ESPL1: variants seen among roughly 807,000 people sequenced by gnomAD.
The protein encoded by ESPL1 is extra spindle pole bodies like 1, separase.
Under a neutral mutation model 217.2 loss-of-function variants are expected in ESPL1, and 50 were observed. The observed-to-expected ratio is 0.23, with a 90% CI of 0.18 to 0.29. ESPL1 has a LOEUF of 0.29. Among genes scored for constraint, ESPL1 ranks in the 10% least tolerant of loss-of-function variants. The pLI, the probability that ESPL1 is intolerant of heterozygous loss-of-function variation, is 1.00. For synonymous variants in ESPL1, 994 were observed against 1,081.3 expected (o/e 0.92, Z 1.58); for missense variants, 1,834 against 2,603.0 (o/e 0.70, Z 6.43).
Position 53,290,137 on chromosome 12 carries a change from C to A in ESPL1, c.5166C>A (p.Gly1722=). 1 of 1,613,868 alleles carries A rather than the reference C, an allele frequency of 6.2e-7. No homozygotes were observed. Among genetic ancestry groups the A allele is most frequent in the Non-Finnish European group, 8.5e-7 (1 of 1,180,014 alleles). Reference sequence around the variant, plus strand: ...CCACCCTCCAGCCCGGAACCGTGGGCAACACCCTCCTGCTGACCCGGCTGG... The same window carrying A: ...CCACCCTCCAGCCCGGAACCGTGGGAAACACCCTCCTGCTGACCCGGCTGG... ...ALATLQPGTV[G]NTLLLTRLEK... is the part of the protein sequence containing the mutation. The change falls in exon 23 of 31, where the codon GGC becomes GGA. Residue 1722 remains glycine (G), a synonymous_variant. Transcript: ENST00000257934.
Position 53,288,138 on chromosome 12 carries a change from A to G in ESPL1, c.4343A>G (p.Asn1448Ser). The change falls in exon 19 of 31, where the codon AAC becomes AGC. Residue 1448 changes from asparagine (N) to serine (S), a missense_variant. Asn to Ser is a conservative substitution (Grantham distance 46). This residue lies in a region of ESPL1 where 681 missense variants were observed against 808.0 expected (regional missense o/e 0.84). Coordinates refer to ENST00000257934, the MANE Select transcript of ESPL1 (RefSeq NM_012291.5). Reference sequence around the variant, plus strand: ...GTTGCCCCAGGTAGTGCCCCTGGGAACCCTGGCCTGAATGGCAGGAGCCGG... The same window carrying G: ...GTTGCCCCAGGTAGTGCCCCTGGGAGCCCTGGCCTGAATGGCAGGAGCCGG... ...AVVAPGSAPG[N>S]PGLNGRSRRA... 1 of 1,613,616 alleles carries G rather than the reference A, an allele frequency of 6.2e-7. No homozygotes were observed. Among genetic ancestry groups the G allele is most frequent in the East Asian group, 2.2e-5 (1 of 44,854 alleles).
Position 53,292,274 on chromosome 12 carries a change from T to G in ESPL1, c.5797-4T>G, listed in dbSNP as rs776053889. The stretch of plus-strand genomic sequence containing the variant: ...CATCCTAATCGCCAGTGTCTCCTCC[T>G]CAGTATGGGGCCTCGCCAGTGCTGA... On this transcript the variant is annotated splice_region_variant and splice_polypyrimidine_tract_variant and intron_variant, in intron 27 of 30. Transcript: ENST00000257934. The surrounding 1 kb of genome is among the most constrained non-coding windows in gnomAD (Gnocchi z 4.5). The G allele has an allele frequency of 2.5e-6, 4 of 1,607,148 alleles. No homozygotes were observed. Among genetic ancestry groups the G allele is most frequent in the Non-Finnish European group, 3.4e-6 (4 of 1,173,830 alleles).
At chr12:53,291,588 CA>C (rs575172551) in intron 25 of ESPL1, 101 bp from the exon 26 acceptor site, 11,099 of 1,079,874 alleles carry the variant, frequency 0.01, no homozygotes, top group Non-Finnish European at 0.011. Flanking sequence ...AAGACTCTGT[CA>C]AAAAAAAAAG....
At chr12:53,284,196 G>A in intron 17 of ESPL1, 29 bp downstream of exon 17, 1 of 1,383,042 alleles carries the variant, frequency 7.2e-7, no homozygotes. Flanking sequence ...ATGACCATAG[G>A]CGGTGCTGAA....
chr12:53,286,119 T>A lies in ESPL1; in HGVS notation c.3383T>A (p.Val1128Asp). The A allele has an allele frequency of 6.2e-7, 1 of 1,613,844 alleles. No individual in the cohort carries two copies. Among genetic ancestry groups the A allele is most frequent in the African/African-American group, 1.3e-5 (1 of 75,046 alleles). ...GCACCTTCTACAAACTCCTCCCCAG[T>A]CTTGAAAACCAAGCCCCAGCCCATA... is the stretch of plus-strand genomic sequence containing the variant. ...PIAPSTNSSP[V>D]LKTKPQPIPN... Residue 1128 changes from valine to aspartate, a missense_variant, in exon 18 of 31, where the codon GTC becomes GAC. Physicochemically the swap from Val to Asp is radical, Grantham distance 152 (BLOSUM62 -3). Transcript: ENST00000257934. The surrounding 1 kb of genome is among the most constrained non-coding windows in gnomAD (Gnocchi z 5.3).
chr12:53,290,622 GAAC>G (rs1944037817), intron 24 of ESPL1, among the ~76,000 whole-genome samples, 153 bp downstream of exon 24: 2 of 14,544 alleles, frequency 1.4e-4, no homozygotes, highest in African/African-American at 3.2e-4. Context: ...CACCTGGGGA[GAAC>G]TTCAGAGCCC....
chr12:53,288,681 T>C lies in ESPL1; in HGVS notation c.4690T>C (p.Ser1564Pro), dbSNP rs148496956. ...KDLGPRLRLP[S>P]APVATGLSTL... ...CCTTGGTCCTCGGCTCCGGCTCCCCTCAGCCCCCGTAGCCACTGGTGAATA... is the reference window on the plus strand; with the variant it reads ...CCTTGGTCCTCGGCTCCGGCTCCCCCCAGCCCCCGTAGCCACTGGTGAATA... The change falls in exon 20 of 31, where the codon TCA (serine) becomes CCA (proline). Residue 1564 changes from serine to proline, a missense_variant. By Grantham distance (74) the Ser-to-Pro change is moderately conservative (BLOSUM62 -1). Coordinates refer to ENST00000257934, the MANE Select transcript of ESPL1 (RefSeq NM_012291.5). The C allele has an allele frequency of 4.3e-6, 7 of 1,612,750 alleles. No individual in the cohort carries two copies. In the African/African-American group the frequency reaches 9.3e-5, roughly 22 times the overall value.
In ESPL1 at chr12:53,287,857, C is replaced by A. The variant is rs1331474947; in HGVS notation, c.4177-115C>A. 6.6e-6 allele frequency: 7 copies of A among 1,053,602 alleles called. No homozygotes were observed. The East Asian group carries it at 7.2e-5, about 11-fold the overall frequency. 65.3% of individuals were successfully genotyped at this position (1,053,602 alleles called of 1,614,324 possible). Reference sequence around the variant, plus strand: ...TCATGTGAGAAGTTAGTTCTGAAATCTTCCAGGGTCCTGTGTGATGGTGCC... The same window carrying A: ...TCATGTGAGAAGTTAGTTCTGAAATATTCCAGGGTCCTGTGTGATGGTGCC... On this transcript the variant is annotated intron_variant, in intron 18 of 30. Transcript: ENST00000257934.
intron 16 of ESPL1, 78 bp downstream of exon 16, chr12:53,283,616 C>A: frequency 1.5e-6 from 2 of 1,355,656 alleles, no homozygotes; most frequent in Non-Finnish European, 2.1e-6. Flanking sequence ...CCAAACTGTT[C>A]CACAGATTAC....
rs1381678342 is a variant in ESPL1 at position 53,291,699 on chromosome 12, A to G, written c.5530A>G (p.Ser1844Gly). 1 of 1,613,786 alleles carries G rather than the reference A, an allele frequency of 6.2e-7. No homozygotes were observed. Among genetic ancestry groups the G allele is most frequent in the Admixed American group, 1.7e-5 (1 of 59,926 alleles). ...PDRTLLKIMLSGAGALTPQDI... is the reference protein window; with the variant it reads ...PDRTLLKIMLGGAGALTPQDI... ...CACTGTTTCCCTGCAGATCATGCTC[A>G]GTGGTGCCGGTGCCCTCACCCCTCA... The change falls in exon 26 of 31, where the codon AGT becomes GGT. Residue 1844 changes from serine (S) to glycine (G), a missense_variant. Physicochemically the swap from Ser to Gly is moderately conservative, Grantham distance 56. Around this residue, in one of 5 missense-constraint regions of ESPL1, gnomAD observed 295 missense variants for 519.8 expected, o/e 0.57. Coordinates refer to ENST00000257934, the MANE Select transcript of ESPL1 (RefSeq NM_012291.5).
At position 53,291,755 on chromosome 12, in the gene ESPL1, C is replaced by T; in HGVS notation, c.5586C>T (p.Cys1862=). 3 of 1,613,638 alleles carry T rather than the reference C, an allele frequency of 1.9e-6. No individual in the cohort carries two copies. The highest frequency in any genetic ancestry group is 2.2e-5 in the East Asian group (1 of 44,880). The change falls in exon 26 of 31, where the codon TGC becomes TGT. Residue 1862 remains cysteine, a synonymous_variant. Coordinates refer to ENST00000257934, the MANE Select transcript of ESPL1 (RefSeq NM_012291.5). ...QDIQALAYGL[C]PTQPERAQEL... is the part of the protein sequence containing the mutation. ...TTCAGGCCCTGGCCTACGGGCTGTG[C>T]CCAACCCAGCCAGAGCGAGCCCAGG...
In ESPL1 at chr12:53,270,794, G is replaced by T; in HGVS notation, c.1365G>T (p.Met455Ile). 6.2e-7 allele frequency: 1 copy of T among 1,614,148 alleles called. No homozygotes were observed. Among genetic ancestry groups the T allele is most frequent in the South Asian group, 1.1e-5 (1 of 91,060 alleles). Residue 455 changes from methionine to isoleucine, a missense_variant, in exon 5 of 31, where the codon ATG becomes ATT. By Grantham distance (10) the Met-to-Ile change is conservative (BLOSUM62 1). This residue lies in a region of ESPL1 where 746 missense variants were observed against 1,077.0 expected (regional missense o/e 0.69). Coordinates refer to ENST00000257934, the MANE Select transcript of ESPL1 (RefSeq NM_012291.5). ...AAGAGCTGACGGACCACATGGGGAT[G>T]ACCGGTTAGTGCCCTGGGTCCCAGG... Reference protein sequence around the residue: ...SGQELTDHMGMTASYTSNLAY... With the variant: ...SGQELTDHMGITASYTSNLAY...
Position 53,283,536 on chromosome 12 carries a change from C to T in ESPL1, c.3075C>T (p.Arg1025=). The T allele has an allele frequency of 6.2e-7, 1 of 1,613,822 alleles. No homozygotes were observed. The highest frequency in any genetic ancestry group is 1.1e-5 in the South Asian group (1 of 91,040). The change falls in exon 16 of 31, where the codon CGC becomes CGT. Residue 1025 remains arginine, a splice_region_variant and synonymous_variant. Coordinates refer to ENST00000257934, the MANE Select transcript of ESPL1 (RefSeq NM_012291.5). ...LKLTTKLQIP[R]QCALFLVLKG... is the part of the protein sequence containing the mutation. ...TTACAACAAAGCTGCAGATACCACG[C>T]CAGTAAGTACAGGGCCAGAGGATAT... is the stretch of plus-strand genomic sequence containing the variant.
In ESPL1 at chr12:53,286,867, A is replaced by G. The variant is rs538951852; in HGVS notation, c.4131A>G (p.Val1377=). 3 of 1,612,704 alleles carry G rather than the reference A, an allele frequency of 1.9e-6. No homozygotes were observed. Among genetic ancestry groups the G allele is most frequent in the South Asian group, 2.2e-5 (2 of 90,928 alleles). Residue 1377 remains valine (V), a synonymous_variant, in exon 18 of 31, where the codon GTA becomes GTG. Coordinates refer to ENST00000257934, the MANE Select transcript of ESPL1 (RefSeq NM_012291.5). The surrounding 1 kb of genome is among the most constrained non-coding windows in gnomAD (Gnocchi z 5.3). ...GCCCTACAGAGAGCAAGCCTGAAGTACCCCAGGCCCCCAGGGTACAACAGA... is the reference window on the plus strand; with the variant it reads ...GCCCTACAGAGAGCAAGCCTGAAGTGCCCCAGGCCCCCAGGGTACAACAGA... The part of the protein sequence containing the change: ...EVCPTESKPE[V]PQAPRVQQRV...
intron 24 of ESPL1, 94 bp from the exon 25 acceptor site, chr12:53,290,747 T>G: frequency 1.7e-6 from 2 of 1,197,708 alleles, no homozygotes; most frequent in South Asian, 3.1e-5. Flanking sequence ...ACATGCACAT[T>G]GGAAAACGCA....
chr12:53,292,852 G>C lies in ESPL1; in HGVS notation c.6043G>C (p.Val2015Leu), dbSNP rs1417473095. 8 of 1,612,374 alleles carry C rather than the reference G, an allele frequency of 5.0e-6. No homozygotes were observed. Among genetic ancestry groups the C allele is most frequent in the Non-Finnish European group, 6.8e-6 (8 of 1,180,028 alleles). ...TGCCCGCTTCCTTGATGGGCAGGCT[G>C]TCCTGCGGCTGAGCTGTCGGGCAGT... The part of the protein sequence containing the change: ...AGARFLDGQA[V>L]LRLSCRAVAL... Residue 2015 changes from valine (V) to leucine (L), a missense_variant, in exon 30 of 31, where the codon GTC becomes CTC. Val to Leu is a conservative substitution (Grantham distance 32). Transcript: ENST00000257934. The surrounding 1 kb of genome is among the most constrained non-coding windows in gnomAD (Gnocchi z 4.5).
chr12:53,283,612 T>C (rs1188465369), intron 16 of ESPL1, 74 bp downstream of exon 16: 3 of 1,398,370 alleles, frequency 2.1e-6, no homozygotes, highest in Admixed American at 2.1e-5. Context: ...GATTCCAAAC[T>C]GTTCCACAGA....
Position 53,287,941 on chromosome 12 carries a change from T to C in ESPL1, c.4177-31T>C, listed in dbSNP as rs746069362. 339 of 1,552,334 alleles carry C rather than the reference T, an allele frequency of 2.2e-4. 1 individual carries two copies. The highest frequency in any genetic ancestry group is 5.0e-5 in the Non-Finnish European group (58 of 1,151,080). On this transcript the variant is annotated intron_variant, in intron 18 of 30. Transcript: ENST00000257934. ...AAGGTGTCTTGTCACTGAAGACCTC[T>C]TAGCCCTTCACCCTTTCACTCTGAT...
intron 25 of ESPL1, among the ~76,000 whole-genome samples, 189 bp downstream of exon 25, chr12:53,291,185 C>T (rs1213626348): frequency 6.6e-6 from 1 of 152,026 alleles, no homozygotes; most frequent in Non-Finnish European, 1.5e-5. Flanking sequence ...ACCTGTAATT[C>T]CAGCTTCTCG....
Sources: allele counts gnomAD v4.1 joint callset (sites outside exome capture counted in the v4.1 genomes callset), GRCh38; gene constraint gnomAD v4.1.1; regional missense constraint gnomAD v4.1.1; non-coding constraint Gnocchi (gnomAD v3.1); transcripts MANE v1.5; gene names NCBI Gene and HGNC (gene_info 2026-07-23, HGNC 2026-07-21).